CNTNAP2: variants seen among roughly 807,000 people sequenced by gnomAD.
CNTNAP2 encodes the protein contactin-associated protein-like 2.
CNTNAP2 carries 98 observed loss-of-function variants against 155.2 expected under a neutral mutation model. The ratio of observed to expected loss-of-function variants is 0.63; its 90% CI spans 0.54 to 0.75. The LOEUF (loss-of-function observed/expected upper bound fraction) is 0.75. Among genes scored for constraint, CNTNAP2 ranks in the 30% least tolerant of loss-of-function variants. CNTNAP2 has a pLI of 0.00. For synonymous variants in CNTNAP2, 651 were observed against 631.2 expected, an observed-to-expected ratio of 1.03 and a Z score of -0.47; for missense variants, 1,727 against 1,688.1, an observed-to-expected ratio of 1.02 and a Z score of -0.40.
At chr7:147,755,607 A>G (rs1392782810) in intron 13 of CNTNAP2, among the ~76,000 whole-genome samples, 1 of 152,190 alleles carries the variant, frequency 6.6e-6, no homozygotes, top group Admixed American at 6.6e-5. Flanking sequence ...AGCCAAAATC[A>G]TGCCACTGCA....
At chr7:148,269,638 G>A (rs934498468) in intron 21 of CNTNAP2, among the ~76,000 whole-genome samples, 3 of 152,220 alleles carry the variant, frequency 2.0e-5, no homozygotes, top group Non-Finnish European at 4.4e-5. Context: ...TCTCTCTGAA[G>A]ACAGTCCAGA....
At chr7:146,630,653 C>A (rs1455498206) in intron 1 of CNTNAP2, among the ~76,000 whole-genome samples, 1 of 151,990 alleles carries the variant, frequency 6.6e-6, no homozygotes, top group Non-Finnish European at 1.5e-5. Flanking sequence ...TTTTTCCTGA[C>A]TTTTTAATAA....
chr7:146,464,187 G>GTTTTTTTTTTT (rs369508603), intron 1 of CNTNAP2, among the ~76,000 whole-genome samples: 75 of 91,522 alleles, frequency 8.2e-4, no homozygotes, highest in Middle Eastern at 7.6e-3. Context: ...CTTTGAAACT[G>GTTTTTTTTTTT]TTTTTTTTTT....
intron 4 of CNTNAP2, among the ~76,000 whole-genome samples, chr7:147,071,383 G>A (rs1401535633): frequency 6.6e-6 from 1 of 151,128 alleles, no homozygotes; most frequent in African/African-American, 2.4e-5. Flanking sequence ...AACAGCAGCA[G>A]GACTGCCCCG....
chr7:147,204,410 A>G (rs1802978943), intron 8 of CNTNAP2, among the ~76,000 whole-genome samples: 2 of 152,104 alleles, frequency 1.3e-5, no homozygotes, highest in Admixed American at 1.3e-4. Context: ...AATTTTCCAA[A>G]GTACTTAGCA....
At chr7:147,931,725 G>GA (rs1231944740) in intron 14 of CNTNAP2, among the ~76,000 whole-genome samples, 1 of 151,974 alleles carries the variant, frequency 6.6e-6, no homozygotes, top group African/African-American at 2.4e-5. Flanking sequence ...AAACATTGAT[G>GA]AAAAAAATTA....
chr7:146,400,307 A>G (rs1795695879), intron 1 of CNTNAP2, among the ~76,000 whole-genome samples: 1 of 152,262 alleles, frequency 6.6e-6, no homozygotes, highest in African/African-American at 2.4e-5. Flanking sequence ...GGGAGACAGC[A>G]AAACTTCTTT....
intron 13 of CNTNAP2, among the ~76,000 whole-genome samples, chr7:147,773,119 T>C (rs1243959747): frequency 6.6e-6 from 1 of 152,224 alleles, no homozygotes; most frequent in Non-Finnish European, 1.5e-5. Flanking sequence ...AGGCCTAGCA[T>C]GCATAGGATC....
intron 1 of CNTNAP2, among the ~76,000 whole-genome samples, chr7:146,146,832 T>C (rs555954702): frequency 1.3e-5 from 2 of 152,344 alleles, no homozygotes; most frequent in East Asian, 1.9e-4. Context: ...TCTTGTTATA[T>C]GCACTGTAGA....
chr7:146,662,359 A>AT (rs34254119), intron 1 of CNTNAP2, among the ~76,000 whole-genome samples: 100,820 of 151,856 alleles, frequency 0.66, 35,869 homozygotes, highest in South Asian at 0.89. Context: ...GCTGGCCTCC[A>AT]CTCCGGACCT....
intron 15 of CNTNAP2, among the ~76,000 whole-genome samples, chr7:148,111,051 T>C (rs1378370263): frequency 6.6e-6 from 1 of 152,124 alleles, no homozygotes; most frequent in East Asian, 1.9e-4. Context: ...GACAGGGGAC[T>C]CTCCATGTGA....
At chr7:147,209,164 G>T (rs183592264) in intron 8 of CNTNAP2, among the ~76,000 whole-genome samples, 53 of 152,148 alleles carry the variant, frequency 3.5e-4, no homozygotes, top group African/African-American at 1.2e-3. Flanking sequence ...TGAATTTGCA[G>T]ATTGCTTTGG....
intron 1 of CNTNAP2, among the ~76,000 whole-genome samples, chr7:146,721,310 A>C (rs1463093010): frequency 2.3e-5 from 3 of 130,538 alleles, no homozygotes; most frequent in Non-Finnish European, 4.6e-5. Context: ...TATGTATTCT[A>C]TATATATTCT....
At chr7:148,236,112 G>GTGGCTTC (rs1161807657) in intron 20 of CNTNAP2, among the ~76,000 whole-genome samples, 1 of 152,124 alleles carries the variant, frequency 6.6e-6, no homozygotes, top group Non-Finnish European at 1.5e-5. Flanking sequence ...AAAACCCAAG[G>GTGGCTTC]TGGCTTCTGA....
intron 1 of CNTNAP2, among the ~76,000 whole-genome samples, chr7:146,427,852 A>C (rs1796114979): frequency 6.6e-6 from 1 of 152,140 alleles, no homozygotes; most frequent in Non-Finnish European, 1.5e-5. Context: ...ACCAAGTATT[A>C]AGCCCAGCAT....
chr7:147,801,741 C>G (rs866441095), intron 13 of CNTNAP2, among the ~76,000 whole-genome samples: 14 of 152,334 alleles, frequency 9.2e-5, no homozygotes, highest in African/African-American at 2.9e-4. Context: ...ACAGACACGG[C>G]AACCATCCGA....
intron 14 of CNTNAP2, among the ~76,000 whole-genome samples, chr7:147,949,434 C>CCGTG (rs34265741): frequency 6.1e-4 from 69 of 113,432 alleles, no homozygotes; most frequent in African/African-American, 1.6e-3. Flanking sequence ...CAAGGATCAA[C>CCGTG]TGTGTGTATA....
chr7:146,947,968 C>A (rs530725661), intron 3 of CNTNAP2, among the ~76,000 whole-genome samples: 2 of 151,890 alleles, frequency 1.3e-5, no homozygotes, highest in African/African-American at 4.8e-5. Context: ...ATTTTAAATG[C>A]TTTTTAAAAT....
intron 8 of CNTNAP2, among the ~76,000 whole-genome samples, chr7:147,226,113 A>G (rs1584804072): frequency 6.6e-6 from 1 of 152,190 alleles, no homozygotes; most frequent in Non-Finnish European, 1.5e-5. Flanking sequence ...TTAGCCCCTC[A>G]ATGTCTTTGA....
Sources: allele counts gnomAD v4.1 joint callset (sites outside exome capture counted in the v4.1 genomes callset), GRCh38; gene constraint gnomAD v4.1.1; transcripts MANE v1.5; gene names NCBI Gene and HGNC (gene_info 2026-07-23, HGNC 2026-07-21).